STK39: variants seen among roughly 807,000 people sequenced by gnomAD.
STK39 encodes serine/threonine kinase 39, also known as STE20/SPS1-related proline-alanine-rich protein kinase.
Under a neutral mutation model 77.8 loss-of-function variants are expected in STK39, and 20 were observed. The ratio of observed to expected loss-of-function variants is 0.26; its 90% confidence interval spans 0.18 to 0.37. STK39 has a LOEUF of 0.37. Among genes scored for constraint, STK39 ranks in the 10% least tolerant of loss-of-function variants. The pLI, the probability that STK39 is intolerant of heterozygous loss-of-function variation, is 1.00. For missense variants in STK39, 479 were observed against 656.5 expected (o/e 0.73, Z 2.95); for synonymous variants, 246 against 234.1 (o/e 1.05, Z -0.47).
At position 168,125,548 on chromosome 2, in the gene STK39, A is replaced by G. The variant is rs77849440; in HGVS notation, c.1089+3993T>C. On this transcript the variant is annotated intron_variant, in intron 10 of 17. Coordinates refer to ENST00000355999, the MANE Select transcript of STK39 (RefSeq NM_013233.3). ...ATAGAGTGTCTTGAGGTCCAGGAAC[A>G]TCCAATCTTATATTACCCTTCACCA... 3.3e-5 allele frequency among the ~76,000 whole-genome samples: 5 copies of G among 152,288 alleles called. No homozygotes were observed. The East Asian group carries it at 9.6e-4, about 29-fold the overall frequency.
Position 168,115,615 on chromosome 2 carries a change from C to T in STK39, c.1089+13926G>A, listed in dbSNP as rs563969342. ...TCATTCTTGCAGAATTTCATGCAGC[C>T]ATTTGATTACGCTAATCTATGTTTG... On this transcript the variant is annotated intron_variant, in intron 10 of 17. Transcript: ENST00000355999. 3.3e-5 allele frequency among the ~76,000 whole-genome samples: 5 copies of T among 152,236 alleles called. No homozygotes were observed. The South Asian group carries it at 8.3e-4, about 25-fold the overall frequency.
rs145029925 is a variant in STK39, at chr2:168,230,127, A to G, written c.208+17101T>C. Among the ~76,000 whole-genome samples, 395 of 152,346 alleles carry G rather than the reference A, an allele frequency of 2.6e-3. 3 individuals are homozygous for G. The highest frequency in any genetic ancestry group is 9.1e-3 in the African/African-American group (377 of 41,590). ...TGTGCTAAATTGAGCTGCTGTGGCA[A>G]GGAATTTGCAAAATGGCAATAAGAA... On this transcript the variant is annotated intron_variant, in intron 1 of 17. Coordinates refer to ENST00000355999, the MANE Select transcript of STK39 (RefSeq NM_013233.3).
chr2:168,148,861 C>T (rs1398985106), intron 5 of STK39, among the ~76,000 whole-genome samples: 2 of 152,114 alleles, frequency 1.3e-5, no homozygotes, highest in Non-Finnish European at 2.9e-5. Flanking sequence ...GCCATGTTTC[C>T]GCTCCAAAGA....
chr2:168,176,884 A>G (rs899330286), intron 2 of STK39, among the ~76,000 whole-genome samples: 3 of 152,180 alleles, frequency 2.0e-5, no homozygotes, highest in African/African-American at 7.2e-5. Context: ...ATTTGCTAGT[A>G]ATTAGTATTT....
chr2:168,014,934 G>A (rs1684368441), intron 15 of STK39, among the ~76,000 whole-genome samples: 1 of 152,186 alleles, frequency 6.6e-6, no homozygotes, highest in African/African-American at 2.4e-5. Flanking sequence ...CATACAGCAT[G>A]TCCTTCTGTT....
chr2:168,059,319 A>G (rs1485695094), intron 14 of STK39, among the ~76,000 whole-genome samples: 1 of 152,238 alleles, frequency 6.6e-6, no homozygotes, highest in Non-Finnish European at 1.5e-5. Flanking sequence ...GTTATGGCAC[A>G]TGGCAAAGGT....
At chr2:168,194,212 A>G (rs1431402491) in intron 1 of STK39, among the ~76,000 whole-genome samples, 2 of 152,156 alleles carry the variant, frequency 1.3e-5, no homozygotes, top group Non-Finnish European at 2.9e-5. Flanking sequence ...TCAGGAGTTC[A>G]AGACCAGCCT....
intron 8 of STK39, among the ~76,000 whole-genome samples, chr2:168,137,016 C>G (rs1003246262): frequency 6.6e-6 from 1 of 152,076 alleles, no homozygotes; most frequent in African/African-American, 2.4e-5. Flanking sequence ...GCAAATTCAG[C>G]AAATGTAAAG....
intron 2 of STK39, among the ~76,000 whole-genome samples, chr2:168,178,652 A>G (rs1219074801): frequency 2.6e-5 from 4 of 152,248 alleles, no homozygotes; most frequent in Non-Finnish European, 5.9e-5. Flanking sequence ...TTTCAACAGT[A>G]TAAATCTGAA....
At chr2:168,159,574 A>G (rs1688518502) in intron 5 of STK39, among the ~76,000 whole-genome samples, 1 of 152,242 alleles carries the variant, frequency 6.6e-6, no homozygotes, top group Non-Finnish European at 1.5e-5. Context: ...GAACACTTTA[A>G]AAATTCAAAC....
In STK39 at chr2:167,954,690, A is replaced by G. The variant is rs541270228; in HGVS notation, c.*806T>C. 1 of 152,772 alleles carries G rather than the reference A, an allele frequency of 6.5e-6. No individual in the cohort carries two copies. Among genetic ancestry groups the G allele is most frequent in the African/African-American group, 2.4e-5 (1 of 41,586 alleles). 9.5% of individuals were successfully genotyped at this position (152,772 alleles called of 1,614,324 possible). On this transcript the variant is annotated 3_prime_UTR_variant, in exon 18 of 18. Transcript: ENST00000355999. ...ATTCCAGAGTAAAGCAGCCTCAGGCACATTCTTAATGTGAAAGTTTGCAAG... is the reference window on the plus strand; with the variant it reads ...ATTCCAGAGTAAAGCAGCCTCAGGCGCATTCTTAATGTGAAAGTTTGCAAG...
intron 2 of STK39, among the ~76,000 whole-genome samples, chr2:168,177,232 AATT>A (rs1399854247): frequency 1.3e-5 from 2 of 152,082 alleles, no homozygotes; most frequent in African/African-American, 4.8e-5. Flanking sequence ...GTAATCACTT[AATT>A]ATTTCTTTCA....
intron 14 of STK39, among the ~76,000 whole-genome samples, chr2:168,033,583 T>G (rs552382195): frequency 4.1e-4 from 63 of 152,336 alleles, no homozygotes; most frequent in Admixed American, 2.0e-3. Flanking sequence ...GCACTGAGTT[T>G]CAGGCTGTTC....
At chr2:168,202,751 C>T (rs796455937) in intron 1 of STK39, among the ~76,000 whole-genome samples, 18 of 150,802 alleles carry the variant, frequency 1.2e-4, no homozygotes, top group African/African-American at 4.1e-4. Flanking sequence ...TGGGAAACAT[C>T]TAGAGAGATT....
intron 1 of STK39, among the ~76,000 whole-genome samples, chr2:168,225,661 T>A (rs1690285102): frequency 6.6e-6 from 1 of 152,226 alleles, no homozygotes; most frequent in African/African-American, 2.4e-5. Flanking sequence ...AATAAACTGC[T>A]CTTTAAACAC....
At chr2:168,247,083 A>T (rs866392826) in intron 1 of STK39, 145 bp downstream of exon 1, 1 of 296,678 alleles carries the variant, frequency 3.4e-6, no homozygotes, top group Admixed American at 7.2e-5. Context: ...AAAAAAAAAA[A>T]AAAAAACTGT....
At chr2:167,955,789 G>A (rs933288681) in intron 17 of STK39, among the ~76,000 whole-genome samples, 1 of 152,204 alleles carries the variant, frequency 6.6e-6, no homozygotes, top group African/African-American at 2.4e-5. Context: ...ACAGAACAGA[G>A]GTGGGAAGGG....
At chr2:168,141,804 A>G (rs992782771) in intron 5 of STK39, among the ~76,000 whole-genome samples, 1 of 152,206 alleles carries the variant, frequency 6.6e-6, no homozygotes, top group Non-Finnish European at 1.5e-5. Context: ...GGTGACAGCA[A>G]TTACCAAAAA....
intron 16 of STK39, among the ~76,000 whole-genome samples, chr2:167,980,347 T>G (rs1041301774): frequency 6.6e-6 from 1 of 152,214 alleles, no homozygotes; most frequent in African/African-American, 2.4e-5. Context: ...CAGGATCAAC[T>G]TTTTCGTACC....
Sources: gnomAD v4.1 joint callset for allele counts (sites outside exome capture counted in the v4.1 genomes callset) on GRCh38, gnomAD v4.1.1 for gene constraint, MANE v1.5 for transcripts, NCBI Gene and HGNC (gene_info 2026-07-23, HGNC 2026-07-21) for gene names.